The following TRABD variants were observed in gnomAD, a reference collection of about 807,000 sequenced individuals.
TRABD encodes traB domain-containing protein.
TRABD carries 23 observed loss-of-function variants against 39.6 expected under a neutral mutation model. The observed-to-expected ratio is 0.58, with a 90% CI of 0.42 to 0.82. The LOEUF (loss-of-function observed/expected upper bound fraction) is 0.82. TRABD is among the 40% of genes least tolerant of loss of function. The pLI is 0.00. For synonymous variants in TRABD, 243 were observed against 232.1 expected (o/e 1.05, Z -0.43); for missense variants, 487 against 544.9 (o/e 0.89, Z 1.06).
At position 50,199,435 on chromosome 22, in the gene TRABD, C is replaced by A. The variant is rs1255466401; in HGVS notation, c.*916C>A. 2 of 286,350 alleles carry A rather than the reference C, an allele frequency of 7.0e-6. No individual in the cohort carries two copies. The highest frequency in any genetic ancestry group is 1.3e-5 in the Non-Finnish European group (2 of 153,214). The allele number at this position is 286,350 out of a possible 1,614,324, so 17.7% of individuals were successfully genotyped here. A position where few individuals can be genotyped will look rare whatever the true frequency, so the allele number is the denominator to read the frequency against. On this transcript the variant is annotated 3_prime_UTR_variant, in exon 10 of 10. Coordinates refer to ENST00000380909, the MANE Select transcript of TRABD (RefSeq NM_001320485.2). ...GCCTCCCTCCTGGCTGTCCAGGACA[C>A]AGCCCGTGCAGCCCCAGCCTGGACC...
rs763635479 is a variant in TRABD, at chr22:50,198,412, C to A, written c.1024C>A (p.Leu342Met). ...LAVKAAFFGL[L>M]GYSLYWMGRR... Reference sequence around the variant, plus strand: ...CGTGAAGGCCGCCTTCTTCGGCCTGCTGGGCTACAGCCTGTACTGGATGGG... The same window carrying A: ...CGTGAAGGCCGCCTTCTTCGGCCTGATGGGCTACAGCCTGTACTGGATGGG... Residue 342 changes from leucine to methionine, a missense_variant, in exon 10 of 10, where the codon CTG (leucine) becomes ATG (methionine). Around this residue, in one of 3 missense-constraint regions of TRABD, gnomAD observed 123 missense variants for 108.3 expected, o/e 1.14. Transcript: ENST00000380909. The surrounding 1 kb of genome is among the most constrained non-coding windows in gnomAD (Gnocchi z 7.9). 1 of 1,596,708 alleles carries A rather than the reference C, an allele frequency of 6.3e-7. No homozygotes were observed. The highest frequency in any genetic ancestry group is 8.5e-7 in the Non-Finnish European group (1 of 1,177,138).
Position 50,198,321 on chromosome 22 carries a change from C to T in TRABD, c.957-24C>T, listed in dbSNP as rs1279285122. 1.9e-6 allele frequency: 3 copies of T among 1,541,518 alleles called. No homozygotes were observed. The highest frequency in any genetic ancestry group is 2.7e-5 in the African/African-American group (2 of 73,190). On this transcript the variant is annotated intron_variant, in intron 9 of 9. Transcript: ENST00000380909. The surrounding 1 kb of genome is among the most constrained non-coding windows in gnomAD (Gnocchi z 7.9). ...TATGGGGAGCCCACCCCCAGCCAGG[C>T]CCAGCGCCCCCTCCCTCCCACAGCG...
intron 1 of TRABD, among the ~76,000 whole-genome samples, chr22:50,187,064 G>A (rs1468195071): frequency 6.6e-6 from 1 of 152,232 alleles, no homozygotes; most frequent in Admixed American, 6.5e-5. Flanking sequence ...CTCCCCGCTT[G>A]CTGCCGCCGC....
rs775196195 is a variant in TRABD, at chr22:50,198,463, T to A, written c.1075T>A (p.Ser359Thr). The change falls in exon 10 of 10, where the codon TCG becomes ACG. Residue 359 changes from serine to threonine, a missense_variant. By Grantham distance (58) the Ser-to-Thr change is moderately conservative. This residue lies in a region of TRABD where 123 missense variants were observed against 108.3 expected (regional missense o/e 1.14). Coordinates refer to ENST00000380909, the MANE Select transcript of TRABD (RefSeq NM_001320485.2). The surrounding 1 kb of genome is among the most constrained non-coding windows in gnomAD (Gnocchi z 7.9). Reference protein sequence around the residue: ...MGRRTASLVLSLPAAQYCLQR... With the variant: ...MGRRTASLVLTLPAAQYCLQR... ...CCGCCGCACCGCGAGCCTGGTCCTG[T>A]CGCTGCCCGCCGCGCAGTACTGCCT... 1.9e-6 allele frequency: 3 copies of A among 1,595,612 alleles called. No individual in the cohort carries two copies.
At chr22:50,196,005 C>T (rs1490119881) in intron 5 of TRABD, among the ~76,000 whole-genome samples, 1 of 152,232 alleles carries the variant, frequency 6.6e-6, no homozygotes, top group African/African-American at 2.4e-5. Flanking sequence ...GCAGCCTCCC[C>T]ACCAGAGCCT....
At chr22:50,192,938 G>A in intron 1 of TRABD, 89 bp from the exon 2 acceptor site, 1 of 1,242,350 alleles carries the variant, frequency 8.0e-7, no homozygotes, top group Admixed American at 2.1e-5. Context: ...CCCAACAGAT[G>A]GTTCTAGACT....
intron 7 of TRABD, 59 bp from the exon 8 acceptor site, chr22:50,197,764 G>GCGCCCC: frequency 2.3e-6 from 3 of 1,284,796 alleles, no homozygotes; most frequent in Non-Finnish European, 3.4e-6. Context: ...CACAGTGCCA[G>GCGCCCC]CCCCACCCCC....
At position 50,198,546 on chromosome 22, in the gene TRABD, CCT is replaced by C. The variant is rs2064213485; in HGVS notation, c.*28_*29del. ...AGACTGCTCCCCGCCCGCTCGGGCC[CCT>C]GAGGAGCCAGTGCCCCCGCGGCACT... is the stretch of plus-strand genomic sequence containing the variant. On this transcript the variant is annotated 3_prime_UTR_variant, in exon 10 of 10. Coordinates refer to ENST00000380909, the MANE Select transcript of TRABD (RefSeq NM_001320485.2). This position sits in a 1 kb window ranked among gnomAD's most constrained non-coding sequence, Gnocchi z 7.9. 3 of 1,487,726 alleles carry C rather than the reference CCT, an allele frequency of 2.0e-6. No homozygotes were observed. The highest frequency in any genetic ancestry group is 2.4e-5 in the Admixed American group (1 of 42,408). The allele number at this position is 1,487,726 out of a possible 1,614,324, so 92.2% of individuals were successfully genotyped here.
At chr22:50,197,767 C>G in intron 7 of TRABD, 56 bp from the exon 8 acceptor site, 4 of 1,219,734 alleles carry the variant, frequency 3.3e-6, no homozygotes, top group Non-Finnish European at 4.8e-6. Flanking sequence ...AGTGCCAGCC[C>G]CACCCCCCCA....
At chr22:50,197,764 G>GGCCCCCCCCCCCCCCCCCCGGGC in intron 7 of TRABD, 59 bp from the exon 8 acceptor site, 1 of 1,284,796 alleles carries the variant, frequency 7.8e-7, no homozygotes, top group Non-Finnish European at 1.1e-6. Context: ...CACAGTGCCA[G>GGCCCCCCCCCCCCCCCCCCGGGC]CCCCACCCCC....
Position 50,199,276 on chromosome 22 carries a change from G to A in TRABD, c.*757G>A, listed in dbSNP as rs1000890923. 5 of 602,760 alleles carry A rather than the reference G, an allele frequency of 8.3e-6. No individual in the cohort carries two copies. The highest frequency in any genetic ancestry group is 1.5e-5 in the Non-Finnish European group (5 of 331,934). The allele number at this position is 602,760 out of a possible 1,614,324, so 37.3% of individuals were successfully genotyped here. On this transcript the variant is annotated 3_prime_UTR_variant, in exon 10 of 10. Coordinates refer to ENST00000380909, the MANE Select transcript of TRABD (RefSeq NM_001320485.2). ...GGAGCCTGTGTCCTGAGCCCCCGGAGCGAAGGGGTGCCTGGGGCATCTTGG... is the reference window on the plus strand; with the variant it reads ...GGAGCCTGTGTCCTGAGCCCCCGGAACGAAGGGGTGCCTGGGGCATCTTGG...
Position 50,198,714 on chromosome 22 carries a change from T to C in TRABD, c.*195T>C. The C allele has an allele frequency of 1.7e-6, 1 of 577,834 alleles. No homozygotes were observed. Among genetic ancestry groups the C allele is most frequent in the Non-Finnish European group, 2.9e-6 (1 of 342,422 alleles). 35.8% of individuals were successfully genotyped at this position (577,834 alleles called of 1,614,324 possible). On this transcript the variant is annotated 3_prime_UTR_variant, in exon 10 of 10. Coordinates refer to ENST00000380909, the MANE Select transcript of TRABD (RefSeq NM_001320485.2). The surrounding 1 kb of genome is among the most constrained non-coding windows in gnomAD (Gnocchi z 7.9). ...TAAAGGATTATTTAACTGTCTGAGC[T>C]CAGGCCTCCCGGCAGCCCCTCCCCT... is the stretch of plus-strand genomic sequence containing the variant.
intron 5 of TRABD, among the ~76,000 whole-genome samples, chr22:50,196,097 G>A (rs73187249): frequency 0.11 from 16,917 of 152,238 alleles, 991 homozygotes; most frequent in South Asian, 0.22. Flanking sequence ...GGAAGGGGGC[G>A]TGGGGCAGGG....
Position 50,198,887 on chromosome 22 carries a change from G to A in TRABD, c.*368G>A, listed in dbSNP as rs1240053181. ...ATGGCCACTGTCCCTACCTCACTGTGCCTTCCTGTGCTCCGGCCACAGGAG... is the reference window on the plus strand; with the variant it reads ...ATGGCCACTGTCCCTACCTCACTGTACCTTCCTGTGCTCCGGCCACAGGAG... On this transcript the variant is annotated 3_prime_UTR_variant, in exon 10 of 10. Coordinates refer to ENST00000380909, the MANE Select transcript of TRABD (RefSeq NM_001320485.2). The surrounding 1 kb of genome is among the most constrained non-coding windows in gnomAD (Gnocchi z 7.9). 2 of 568,130 alleles carry A rather than the reference G, an allele frequency of 3.5e-6. No individual in the cohort carries two copies. Among genetic ancestry groups the A allele is most frequent in the Non-Finnish European group, 6.4e-6 (2 of 314,416 alleles). 35.2% of individuals were successfully genotyped at this position (568,130 alleles called of 1,614,324 possible).
chr22:50,187,815 T>C (rs1444793188), intron 1 of TRABD, among the ~76,000 whole-genome samples: 2 of 151,360 alleles, frequency 1.3e-5, no homozygotes, highest in South Asian at 4.2e-4. Context: ...CCGTCTCTAC[T>C]AAAAAATACA....
At position 50,195,060 on chromosome 22, in the gene TRABD, G is replaced by C; in HGVS notation, c.420+20G>C. ...AGGCAGGTGCGCAGCCGCGGGCAAG[G>C]GTCAGGGTCAGGGTCGGGGTCAAAG... is the stretch of plus-strand genomic sequence containing the variant. On this transcript the variant is annotated intron_variant, in intron 5 of 9. Coordinates refer to ENST00000380909, the MANE Select transcript of TRABD (RefSeq NM_001320485.2). The C allele has an allele frequency of 3.9e-6, 6 of 1,544,250 alleles. No individual in the cohort carries two copies. The highest frequency in any genetic ancestry group is 5.2e-6 in the Non-Finnish European group (6 of 1,151,096).
chr22:50,192,171 A>G (rs532431909), intron 1 of TRABD: 2 of 152,350 alleles, frequency 1.3e-5, no homozygotes, highest in East Asian at 1.9e-4. Context: ...GGCTGAGAAC[A>G]TTCAGGAAGA....
At position 50,194,572 on chromosome 22, in the gene TRABD, G is replaced by A. The variant is rs975582007; in HGVS notation, c.279+66G>A. ...GTAAGCTCCTGTGTCCTGCACTCAG[G>A]GACCTCCCGGCAGGGCCCGTGTGCC... is the stretch of plus-strand genomic sequence containing the variant. On this transcript the variant is annotated intron_variant, in intron 4 of 9. Coordinates refer to ENST00000380909, the MANE Select transcript of TRABD (RefSeq NM_001320485.2). The A allele has an allele frequency of 3.0e-5, 47 of 1,545,824 alleles. No individual in the cohort carries two copies. In the African/African-American group the frequency reaches 5.2e-4, roughly 17 times the overall value.
At chr22:50,192,580 C>A (rs1299589964) in intron 1 of TRABD, among the ~76,000 whole-genome samples, 1 of 152,234 alleles carries the variant, frequency 6.6e-6, no homozygotes, top group African/African-American at 2.4e-5. Flanking sequence ...GTTGCCCAGG[C>A]TGTAGTTACT....
Sources: gnomAD v4.1 joint callset for allele counts (sites outside exome capture counted in the v4.1 genomes callset) on GRCh38, gnomAD v4.1.1 for gene constraint, gnomAD v4.1.1 regional missense constraint, Gnocchi (gnomAD v3.1) non-coding constraint, MANE v1.5 for transcripts, NCBI Gene and HGNC (gene_info 2026-07-23, HGNC 2026-07-21) for gene names.